The following PHF24 variants were observed in gnomAD, a reference collection of about 807,000 sequenced individuals.
PHF24 encodes Galpha inhibitory interacting protein.
Under a neutral mutation model 42.6 loss-of-function variants are expected in PHF24, and 25 were observed. That is an observed-to-expected ratio of 0.59 (90% confidence interval 0.43 to 0.82). The LOEUF (loss-of-function observed/expected upper bound fraction) is 0.82. PHF24 is among the 40% of genes least tolerant of loss of function. The pLI, the probability that PHF24 is intolerant of heterozygous loss-of-function variation, is 0.00. For synonymous variants in PHF24, 185 were observed against 204.8 expected, an observed-to-expected ratio of 0.90 and a Z score of 0.83; for missense variants, 470 against 538.1, an observed-to-expected ratio of 0.87 and a Z score of 1.25.
chr9:34,832,504 C>G, the PHF24 span: 1 of 1,513,416 alleles, frequency 6.6e-7, no homozygotes, highest in South Asian at 1.3e-5. Context: ...GTCGGCTTCT[C>G]TGTCTTACTT....
the PHF24 span, among the ~76,000 whole-genome samples, chr9:34,712,069 A>G: frequency 6.6e-6 from 1 of 151,316 alleles, no homozygotes; most frequent in Non-Finnish European, 1.5e-5. Context: ...TTCTTGCAGC[A>G]TAGTTTTGCT....
the PHF24 span, among the ~76,000 whole-genome samples, chr9:34,900,897 C>T: frequency 6.6e-6 from 1 of 152,202 alleles, no homozygotes; most frequent in Non-Finnish European, 1.5e-5. Flanking sequence ...CCTTCCCAGC[C>T]TCCAGAACTG....
At chr9:34,667,395 AG>A in the PHF24 span, among the ~76,000 whole-genome samples, 1 of 152,144 alleles carries the variant, frequency 6.6e-6, no homozygotes, top group East Asian at 1.9e-4. Context: ...CATGGGTGCT[AG>A]GTGGTTTTAT....
chr9:34,977,613 A>T (rs1239436109), exon 7 of PHF24: 1 of 1,605,194 alleles, frequency 6.2e-7, no homozygotes, highest in South Asian at 1.1e-5. Flanking sequence ...TCAGGACAAG[A>T]CCCTGCTGCC....
the PHF24 span, among the ~76,000 whole-genome samples, chr9:34,675,063 G>A: frequency 2.0e-5 from 3 of 152,104 alleles, no homozygotes; most frequent in African/African-American, 7.2e-5. Context: ...TCACCGTGTT[G>A]CCCAGGCTGG....
chr9:34,889,130 G>A, the PHF24 span: 2 of 398,608 alleles, frequency 5.0e-6, no homozygotes, highest in Non-Finnish European at 8.8e-6. Flanking sequence ...AATGGAAATG[G>A]CAATGAAAGC....
the PHF24 span, chr9:34,729,360 A>G: frequency 1.3e-6 from 2 of 1,551,678 alleles, no homozygotes; most frequent in Non-Finnish European, 1.7e-6. Flanking sequence ...TACAATAACG[A>G]TGAAGATGGA....
chr9:34,976,524 GC>G lies in PHF24; in HGVS notation c.644-9del. ...AGGATGGGCATGGCTAGCACGGGGTGCCTCCCACAGATTGCTCCCTGACACT... is the reference window on the plus strand; with the variant it reads ...AGGATGGGCATGGCTAGCACGGGGTGCTCCCACAGATTGCTCCCTGACACT... On this transcript the variant is annotated splice_polypyrimidine_tract_variant and intron_variant, in intron 4 of 7. Coordinates refer to ENST00000242315, the Ensembl canonical transcript of PHF24. The G allele has an allele frequency of 6.2e-7, 1 of 1,607,632 alleles. No homozygotes were observed. Among genetic ancestry groups the G allele is most frequent in the Non-Finnish European group, 8.5e-7 (1 of 1,175,446 alleles).
chr9:34,929,427 A>G, the PHF24 span, among the ~76,000 whole-genome samples: 8 of 152,350 alleles, frequency 5.3e-5, no homozygotes, highest in East Asian at 1.5e-3. Flanking sequence ...AACAAACTCC[A>G]CAAGGGTGGG....
chr9:34,885,465 A>C, the PHF24 span, among the ~76,000 whole-genome samples: 1 of 152,094 alleles, frequency 6.6e-6, no homozygotes, highest in African/African-American at 2.4e-5. Context: ...TGTCATAAAG[A>C]AGTCATTTCA....
At chr9:34,791,760 C>A in the PHF24 span, among the ~76,000 whole-genome samples, 1 of 151,888 alleles carries the variant, frequency 6.6e-6, no homozygotes, top group East Asian at 1.9e-4. Flanking sequence ...TATGTTAATG[C>A]TGCTCAGAGC....
chr9:34,946,115 A>G, the PHF24 span, among the ~76,000 whole-genome samples: 3 of 152,340 alleles, frequency 2.0e-5, no homozygotes, highest in East Asian at 1.9e-4. Context: ...CATATTCTTT[A>G]TGGTCACCAC....
At chr9:34,721,035 C>A in the PHF24 span, among the ~76,000 whole-genome samples, 1 of 152,202 alleles carries the variant, frequency 6.6e-6, no homozygotes, top group African/African-American at 2.4e-5. Flanking sequence ...CCCACACTCC[C>A]TTATATGTGG....
At chr9:34,852,557 T>C in the PHF24 span, among the ~76,000 whole-genome samples, 1 of 152,248 alleles carries the variant, frequency 6.6e-6, no homozygotes, top group Non-Finnish European at 1.5e-5. Context: ...GTATAGTTCA[T>C]TGTCAGTTTC....
chr9:34,798,640 T>C, the PHF24 span, among the ~76,000 whole-genome samples: 1 of 152,214 alleles, frequency 6.6e-6, no homozygotes, highest in Non-Finnish European at 1.5e-5. Flanking sequence ...GTTGAGTCCA[T>C]GTCTTTGTTA....
chr9:34,894,362 C>T, the PHF24 span: 4 of 398,092 alleles, frequency 1.0e-5, no homozygotes, highest in Non-Finnish European at 1.8e-5. Flanking sequence ...TCCCTCTTCT[C>T]ATCTCTACCC....
upstream of PHF24, among the ~76,000 whole-genome samples, chr9:34,953,104 AAGAC>A (rs1826299608): frequency 6.6e-6 from 1 of 152,252 alleles, no homozygotes; most frequent in African/African-American, 2.4e-5. This position sits in a 1 kb window ranked among gnomAD's most constrained non-coding sequence, Gnocchi z 4.1. Flanking sequence ...CAACCCATAA[AAGAC>A]AGGATGGATA....
chr9:34,947,325 C>G, the PHF24 span, among the ~76,000 whole-genome samples: 4 of 152,306 alleles, frequency 2.6e-5, no homozygotes, highest in East Asian at 7.7e-4. Context: ...ATTCCTATCA[C>G]CTAGTGACAC....
chr9:34,937,233 G>C, the PHF24 span, among the ~76,000 whole-genome samples: 4 of 152,250 alleles, frequency 2.6e-5, no homozygotes, highest in Admixed American at 2.0e-4. Context: ...AAAAGATTGA[G>C]AAATCGGATG....
Sources: gnomAD v4.1 joint callset for allele counts (sites outside exome capture counted in the v4.1 genomes callset) on GRCh38, gnomAD v4.1.1 for gene constraint, Gnocchi (gnomAD v3.1) non-coding constraint, MANE v1.5 for transcripts, NCBI Gene and HGNC (gene_info 2026-07-23, HGNC 2026-07-21) for gene names.